The following FRMD4A variants were observed in gnomAD, a reference collection of about 807,000 sequenced individuals.
The protein encoded by FRMD4A is FERM domain containing 4A, also known as FERM domain-containing protein 4A.
Under a neutral mutation model 129.1 loss-of-function variants are expected in FRMD4A, and 29 were observed. That is an observed-to-expected ratio of 0.22 (90% CI 0.17 to 0.31). The LOEUF (loss-of-function observed/expected upper bound fraction) is 0.31, where lower values mean the gene tolerates loss of function less well. Among genes scored for constraint, FRMD4A ranks in the 10% least tolerant of loss-of-function variants. The pLI, the probability that FRMD4A is intolerant of heterozygous loss-of-function variation, is 1.00. For synonymous variants in FRMD4A, 634 were observed against 571.6 expected (o/e 1.11, Z -1.56); for missense variants, 1,272 against 1,375.8 (o/e 0.92, Z 1.19).
chr10:13,813,909 A>G (rs2093491489), intron 3 of FRMD4A, among the ~76,000 whole-genome samples: 1 of 152,340 alleles, frequency 6.6e-6, no homozygotes, highest in Non-Finnish European at 1.5e-5. Context: ...ACAGTCTGTG[A>G]TATAATTTAC....
At chr10:14,327,793 T>C (rs1231026551) in intron 2 of FRMD4A, among the ~76,000 whole-genome samples, 1 of 152,238 alleles carries the variant, frequency 6.6e-6, no homozygotes, top group East Asian at 1.9e-4. Flanking sequence ...TTATGAGCTC[T>C]GGCTCTTGCT....
chr10:13,969,678 C>A (rs977323763), intron 2 of FRMD4A, among the ~76,000 whole-genome samples: 1 of 152,074 alleles, frequency 6.6e-6, no homozygotes, highest in African/African-American at 2.4e-5. Flanking sequence ...TAGTGAGACC[C>A]CCATCTCTAC....
intron 2 of FRMD4A, among the ~76,000 whole-genome samples, chr10:14,271,344 C>T (rs1845156780): frequency 5.3e-5 from 8 of 152,186 alleles, no homozygotes; most frequent in Admixed American, 5.2e-4. Context: ...TGGCTGGAGC[C>T]CATCCCAGCA....
At chr10:13,855,271 G>A (rs2094197324) in intron 3 of FRMD4A, among the ~76,000 whole-genome samples, 1 of 152,174 alleles carries the variant, frequency 6.6e-6, no homozygotes, top group Non-Finnish European at 1.5e-5. Context: ...CCTGGCAAGA[G>A]GCAAATGGGG....
chr10:14,056,579 T>C (rs1305943074), intron 2 of FRMD4A, among the ~76,000 whole-genome samples: 1 of 152,136 alleles, frequency 6.6e-6, no homozygotes, highest in Non-Finnish European at 1.5e-5. Flanking sequence ...TGAAAAAATA[T>C]TTTAAGTTTT....
At chr10:13,676,912 G>T (rs2134740512) in intron 15 of FRMD4A, among the ~76,000 whole-genome samples, 1 of 152,218 alleles carries the variant, frequency 6.6e-6, no homozygotes, top group Non-Finnish European at 1.5e-5. Context: ...AGGAAACAAT[G>T]GATTTTTTGG....
intron 2 of FRMD4A, among the ~76,000 whole-genome samples, chr10:14,011,387 C>T (rs528859064): frequency 3.3e-5 from 5 of 152,104 alleles, no homozygotes; most frequent in African/African-American, 9.6e-5. Flanking sequence ...AGGGAGGAGC[C>T]GAGTTATTAG....
intron 2 of FRMD4A, among the ~76,000 whole-genome samples, chr10:14,109,075 T>G (rs542650121): frequency 1.8e-4 from 27 of 152,274 alleles, no homozygotes; most frequent in Admixed American, 3.3e-4. Flanking sequence ...TTCACTTACA[T>G]GAAAGGCTCT....
intron 2 of FRMD4A, chr10:14,008,203 T>TGTGTGTG: frequency 8.2e-7 from 1 of 1,221,216 alleles, no homozygotes; most frequent in Non-Finnish European, 1.1e-6. Flanking sequence ...TGTGTGTGTG[T>TGTGTGTG]GTGTGTGTTC....
intron 6 of FRMD4A, among the ~76,000 whole-genome samples, chr10:13,764,079 A>T (rs148042786): frequency 6.6e-6 from 1 of 152,162 alleles, no homozygotes; most frequent in Admixed American, 6.6e-5. Context: ...CAAAAACTGC[A>T]TATGTTTAAT....
Position 14,148,893 on chromosome 10 carries a change from A to C in FRMD4A, c.45+181165T>G, listed in dbSNP as rs186077242. Among the ~76,000 whole-genome samples the C allele has an allele frequency of 3.1e-3, 474 of 152,302 alleles. 1 individual carries two copies. The highest frequency in any genetic ancestry group is 0.011 in the African/African-American group (454 of 41,566). ...GTCTAGTGTTAATGTGATTTGTAGG[A>C]TATTAGGGGTTTACGCTAGGATTTT... On this transcript the variant is annotated intron_variant, in intron 2 of 24. Transcript: ENST00000357447.
chr10:14,075,316 T>C (rs1835523063), intron 2 of FRMD4A, among the ~76,000 whole-genome samples: 1 of 152,228 alleles, frequency 6.6e-6, no homozygotes. Flanking sequence ...TAACACCTAA[T>C]GGATCCAGAC....
chr10:13,945,051 A>G (rs750967285), intron 2 of FRMD4A, among the ~76,000 whole-genome samples: 10 of 152,206 alleles, frequency 6.6e-5, no homozygotes, highest in Non-Finnish European at 1.3e-4. Flanking sequence ...TCTCTCCACC[A>G]GCAACAGTAC....
intron 2 of FRMD4A, among the ~76,000 whole-genome samples, chr10:13,923,804 A>T (rs2095100161): frequency 6.6e-6 from 1 of 152,206 alleles, no homozygotes; most frequent in African/African-American, 2.4e-5. Flanking sequence ...CACTGATGCA[A>T]AGAAGCATGG....
chr10:13,894,654 G>T (rs2094737790), intron 2 of FRMD4A, among the ~76,000 whole-genome samples: 1 of 152,186 alleles, frequency 6.6e-6, no homozygotes, highest in Non-Finnish European at 1.5e-5. Flanking sequence ...GGAAGGCCAG[G>T]CCCTGCTCCC....
chr10:14,165,828 G>A (rs138358998), intron 2 of FRMD4A, among the ~76,000 whole-genome samples: 190 of 152,268 alleles, frequency 1.2e-3, no homozygotes, highest in African/African-American at 4.2e-3. Context: ...ATAAAGATGG[G>A]TACAGTAGAC....
intron 24 of FRMD4A, among the ~76,000 whole-genome samples, chr10:13,650,668 C>T: frequency 6.6e-6 from 1 of 152,170 alleles, no homozygotes; most frequent in Non-Finnish European, 1.5e-5. Context: ...AAGCCTAAGT[C>T]CCTGTCCTAA....
chr10:13,682,388 G>A (rs946216432), intron 15 of FRMD4A, among the ~76,000 whole-genome samples: 7 of 152,126 alleles, frequency 4.6e-5, no homozygotes, highest in Non-Finnish European at 8.8e-5. Context: ...GGAAGCTCAG[G>A]AGGAGAAGGG....
At chr10:13,723,569 G>A (rs560718465) in intron 12 of FRMD4A, among the ~76,000 whole-genome samples, 13 of 152,354 alleles carry the variant, frequency 8.5e-5, no homozygotes, top group Non-Finnish European at 1.6e-4. Flanking sequence ...CTGAAAAATG[G>A]TTATGATGGT....
Sources: allele counts gnomAD v4.1 joint callset (sites outside exome capture counted in the v4.1 genomes callset), GRCh38; gene constraint gnomAD v4.1.1; transcripts MANE v1.5; gene names NCBI Gene and HGNC (gene_info 2026-07-23, HGNC 2026-07-21).